COG8: variants seen among roughly 807,000 people sequenced by gnomAD.
The protein encoded by COG8 is conserved oligomeric Golgi complex subunit 8.
Under a neutral mutation model 46.5 loss-of-function variants are expected in COG8, and 45 were observed. That is an observed-to-expected ratio of 0.97 (90% confidence interval 0.76 to 1.24). The LOEUF (loss-of-function observed/expected upper bound fraction) is 1.24. Ranked by LOEUF, COG8 falls within the 50% of genes most tolerant of loss-of-function variation. The pLI, the probability that COG8 is intolerant of heterozygous loss-of-function variation, is 0.00. For synonymous variants in COG8, 407 were observed against 347.8 expected (o/e 1.17, Z -1.90); for missense variants, 793 against 820.8 (o/e 0.97, Z 0.41).
Position 69,334,955 on chromosome 16 carries a change from G to T in COG8, c.979C>A (p.Leu327Met). 1 of 1,614,210 alleles carries T rather than the reference G, an allele frequency of 6.2e-7. No individual in the cohort carries two copies. The highest frequency in any genetic ancestry group is 8.5e-7 in the Non-Finnish European group (1 of 1,180,042). The stretch of plus-strand genomic sequence containing the variant: ...TAAAGGTCGGTCTCCAGCACCTGCA[G>T]GAATTGTGAGACCTTCTGTAGCACC... ...GWVLQKVSQF[L>M]QVLETDLYRG... Residue 327 changes from leucine to methionine, a missense_variant, in exon 3 of 6, where the codon CTG becomes ATG. Coordinates refer to ENST00000306875, the MANE Select transcript of COG8 (RefSeq NM_032382.5).
At chr16:69,329,886 G>A (rs1597219627) in intron 5 of COG8, 8 of 1,297,948 alleles carry the variant, frequency 6.2e-6, no homozygotes, top group Non-Finnish European at 8.1e-6. Flanking sequence ...ATCCCACTTC[G>A]CTCCTGCGGG....
chr16:69,330,578 C>A lies in COG8; in HGVS notation c.*26+235G>T, dbSNP rs778087920. 6 of 1,447,394 alleles carry A rather than the reference C, an allele frequency of 4.1e-6. No individual in the cohort carries two copies. The African/African-American group carries it at 9.0e-5, about 22-fold the overall frequency. The allele number at this position is 1,447,394 out of a possible 1,614,324, so 89.7% of individuals were successfully genotyped here. On this transcript the variant is annotated intron_variant, in intron 5 of 5. Transcript: ENST00000306875. The stretch of plus-strand genomic sequence containing the variant: ...GCCCCACAGCCGGGCCATGGCGGCC[C>A]CCTTAACAGTGACCCGGCCCGCCCC...
In COG8 at chr16:69,330,340, G is replaced by A. The variant is rs749708301; in HGVS notation, c.*26+473C>T. 4.3e-5 allele frequency: 63 copies of A among 1,460,164 alleles called. 1 individual carries two copies. In the Admixed American group the frequency reaches 1.5e-3, roughly 35 times the overall value. The allele number at this position is 1,460,164 out of a possible 1,614,324, so 90.5% of individuals were successfully genotyped here. On this transcript the variant is annotated intron_variant, in intron 5 of 5. Transcript: ENST00000306875. ...GCGCCCGCTCCACCGGGGCCGCCACGCCGCGCAGCACCGGGTCCCCGACTT... is the reference window on the plus strand; with the variant it reads ...GCGCCCGCTCCACCGGGGCCGCCACACCGCGCAGCACCGGGTCCCCGACTT...
Position 69,331,004 on chromosome 16 carries a change from C to A in COG8, c.1674G>T (p.Lys558Asn). Residue 558 changes from lysine (K) to asparagine (N), a missense_variant, in exon 5 of 6, where the codon AAG becomes AAT. Physicochemically the swap from Lys to Asn is moderately conservative, Grantham distance 94. Transcript: ENST00000306875. The stretch of plus-strand genomic sequence containing the variant: ...CATCCAGGGTGAAAAGCGTCTCTCT[C>A]TTTGGCAGGATAAAGGCGAGGGGCT... ...IQEPLAFILP[K>N]RETLFTLDDQ... is the part of the protein sequence containing the mutation. 6.2e-7 allele frequency: 1 copy of A among 1,611,812 alleles called. No homozygotes were observed. The highest frequency in any genetic ancestry group is 8.5e-7 in the Non-Finnish European group (1 of 1,179,250).
intron 1 of COG8, chr16:69,338,458 C>G (rs1048531260): frequency 6.6e-6 from 1 of 152,254 alleles, no homozygotes; most frequent in Non-Finnish European, 1.5e-5. Flanking sequence ...AGATGACCTC[C>G]GGTCCACGCT....
intron 4 of COG8, among the ~76,000 whole-genome samples, chr16:69,331,642 A>G (rs556050133): frequency 2.4e-4 from 37 of 151,812 alleles, no homozygotes; most frequent in Middle Eastern, 3.4e-3. Context: ...AGCTGGGATT[A>G]CAGGCGCCCG....
Position 69,334,861 on chromosome 16 carries a change from C to T in COG8, c.1073G>A (p.Arg358Gln), listed in dbSNP as rs1215192595. 7 of 1,614,060 alleles carry T rather than the reference C, an allele frequency of 4.3e-6. No homozygotes were observed. Among genetic ancestry groups the T allele is most frequent in the African/African-American group, 2.7e-5 (2 of 74,924 alleles). The change falls in exon 3 of 6, where the codon CGG becomes CAG. Residue 358 changes from arginine to glutamine, a missense_variant. Arg to Gln is a conservative substitution (Grantham distance 43). Coordinates refer to ENST00000306875, the MANE Select transcript of COG8 (RefSeq NM_032382.5). ...QCMYFGLSFS[R>Q]VGADFRGQLA... is the part of the protein sequence containing the mutation. ...CTGACCCCGGAAATCAGCTCCCACC[C>T]GGCTGAAGGACAGCCCAAAGTACAT...
At position 69,329,005 on chromosome 16, in the gene COG8, G is replaced by GC. The variant is rs1567428134; in HGVS notation, c.*200dup. On this transcript the variant is annotated 3_prime_UTR_variant, in exon 6 of 6. Transcript: ENST00000306875. ...TGCGTCTTGGTATCCGGAATCCTCA[G>GC]CCCCAGTAGCAAAGCTTTAGTCATT... 6.3e-7 allele frequency: 1 copy of GC among 1,599,268 alleles called. No individual in the cohort carries two copies. The highest frequency in any genetic ancestry group is 8.5e-7 in the Non-Finnish European group (1 of 1,175,720).
chr16:69,336,556 T>C lies in COG8; in HGVS notation c.534A>G (p.Ala178=). The C allele has an allele frequency of 1.2e-6, 2 of 1,614,212 alleles. No homozygotes were observed. The highest frequency in any genetic ancestry group is 8.5e-7 in the Non-Finnish European group (1 of 1,180,048). Residue 178 remains alanine (A), a synonymous_variant, in exon 2 of 6, where the codon GCA becomes GCG. Coordinates refer to ENST00000306875, the MANE Select transcript of COG8 (RefSeq NM_032382.5). ...NSYYEEALEL[A]AYVRRLERKY... ...TCCTCTCCAGTCGGCGTACGTAGGCTGCAAGCTCCAGGGCCTCTTCATAAT... is the reference window on the plus strand; with the variant it reads ...TCCTCTCCAGTCGGCGTACGTAGGCCGCAAGCTCCAGGGCCTCTTCATAAT...
Position 69,339,325 on chromosome 16 carries a change from C to T in COG8, c.228G>A (p.Leu76=). The T allele has an allele frequency of 6.2e-7, 1 of 1,608,768 alleles. No individual in the cohort carries two copies. The highest frequency in any genetic ancestry group is 8.5e-7 in the Non-Finnish European group (1 of 1,178,706). Residue 76 remains leucine, a synonymous_variant, in exon 1 of 6, where the codon CTG becomes CTA. Transcript: ENST00000306875. ...CGAAGGCCAAGTCGCGCGTCTGCTG[C>T]AGCAGCTGCGCCCGCTCCTCCGCCA... The part of the protein sequence containing the change: ...ERLAEERAQL[L]QQTRDLAFAN...
Position 69,334,543 on chromosome 16 carries a change from GC to G in COG8, c.1390del (p.Ala464ProfsTer9), listed in dbSNP as rs774405881. On this transcript the variant is annotated frameshift_variant, in exon 3 of 6. Transcript: ENST00000306875. LOFTEE classifies it high-confidence loss of function. ...PVALAQDVTG[A>X]LEDALAKVTK... ...CACCTTGGCAAGGGCATCTTCCAAGGCCCCAGTCACATCCTGCGCCAGGGCC... is the reference window on the plus strand; with the variant it reads ...CACCTTGGCAAGGGCATCTTCCAAGGCCCAGTCACATCCTGCGCCAGGGCC... 6.2e-7 allele frequency: 1 copy of G among 1,614,120 alleles called. No homozygotes were observed. Among genetic ancestry groups the G allele is most frequent in the African/African-American group, 1.3e-5 (1 of 75,030 alleles).
At chr16:69,329,880 C>T (rs1229263117) in intron 5 of COG8, 68 of 1,266,118 alleles carry the variant, frequency 5.4e-5, no homozygotes, top group Non-Finnish European at 3.6e-5. Flanking sequence ...TCCCGCATCC[C>T]ACTTCGCTCC....
chr16:69,335,182 C>T lies in COG8; in HGVS notation c.752G>A (p.Arg251Gln), dbSNP rs749837571. 9.9e-6 allele frequency: 16 copies of T among 1,614,176 alleles called. No individual in the cohort carries two copies. Among genetic ancestry groups the T allele is most frequent in the Non-Finnish European group, 1.4e-5 (16 of 1,180,040 alleles). Reference sequence around the variant, plus strand: ...CAGGATGGACCGGAGCCAAGCATCTCGGGCCTGAAGAAACTTCACCCTCAA... The same window carrying T: ...CAGGATGGACCGGAGCCAAGCATCTTGGGCCTGAAGAAACTTCACCCTCAA... ...AELRVKFLQA[R>Q]DAWLRSILTA... The change falls in exon 3 of 6, where the codon CGA (arginine) becomes CAA (glutamine). Residue 251 changes from arginine (R) to glutamine (Q), a missense_variant. Coordinates refer to ENST00000306875, the MANE Select transcript of COG8 (RefSeq NM_032382.5).
chr16:69,330,995 C>T lies in COG8; in HGVS notation c.1683G>A (p.Thr561=), dbSNP rs1057522897. Residue 561 remains threonine (T), a synonymous_variant, in exon 5 of 6, where the codon ACG becomes ACA. Coordinates refer to ENST00000306875, the MANE Select transcript of COG8 (RefSeq NM_032382.5). ...GCGCCTGGTCATCCAGGGTGAAAAG[C>T]GTCTCTCTCTTTGGCAGGATAAAGG... is the stretch of plus-strand genomic sequence containing the variant. ...PLAFILPKRE[T]LFTLDDQALG... 13 of 1,609,658 alleles carry T rather than the reference C, an allele frequency of 8.1e-6. No homozygotes were observed. Among genetic ancestry groups the T allele is most frequent in the Middle Eastern group, 3.3e-4 (2 of 6,060 alleles).
At chr16:69,329,900 T>G in intron 5 of COG8, 1 of 1,367,126 alleles carries the variant, frequency 7.3e-7, no homozygotes, top group Non-Finnish European at 9.5e-7. Flanking sequence ...CTGCGGGAGG[T>G]CCGGCGTATG....
intron 4 of COG8, among the ~76,000 whole-genome samples, chr16:69,331,928 G>A (rs1015331847): frequency 3.3e-5 from 5 of 152,240 alleles, no homozygotes; most frequent in African/African-American, 9.6e-5. Context: ...ACCTCAGGCA[G>A]CACCAGGGAA....
At chr16:69,335,488 G>A (rs747062346) in intron 2 of COG8, 140 bp from the exon 3 acceptor site, 292 of 780,694 alleles carry the variant, frequency 3.7e-4, no homozygotes, top group Middle Eastern at 1.8e-3. Flanking sequence ...GATGCCTGTA[G>A]GTTCACCAAC....
chr16:69,334,674 C>A lies in COG8; in HGVS notation c.1260G>T (p.Pro420=), dbSNP rs774761870. 1 of 1,614,198 alleles carries A rather than the reference C, an allele frequency of 6.2e-7. No homozygotes were observed. Among genetic ancestry groups the A allele is most frequent in the Non-Finnish European group, 8.5e-7 (1 of 1,180,044 alleles). The stretch of plus-strand genomic sequence containing the variant: ...GCACCATGGGTGGCTGCAGCGTCCC[C>A]GGCTGGGTGGCTGGCACAGCAGCAG... ...NMPAAVPATQ[P]GTLQPPMVLL... Residue 420 remains proline, a synonymous_variant, in exon 3 of 6, where the codon CCG becomes CCT. Coordinates refer to ENST00000306875, the MANE Select transcript of COG8 (RefSeq NM_032382.5).
chr16:69,336,825 C>A, intron 1 of COG8, 113 bp from the exon 2 acceptor site: 1 of 925,188 alleles, frequency 1.1e-6, no homozygotes, highest in South Asian at 1.4e-5. Context: ...TGATTTATTC[C>A]TCACACCCCA....
Sources: gnomAD v4.1 joint callset for allele counts (sites outside exome capture counted in the v4.1 genomes callset) on GRCh38, gnomAD v4.1.1 for gene constraint, MANE v1.5 for transcripts, NCBI Gene and HGNC (gene_info 2026-07-23, HGNC 2026-07-21) for gene names.